The following ACMSD variants were observed in gnomAD, a reference collection of about 807,000 sequenced individuals.
The protein encoded by ACMSD is aminocarboxymuconate semialdehyde decarboxylase.
A neutral mutation model predicts 45.9 loss-of-function variants in ACMSD; 37 were observed. That is an observed-to-expected ratio of 0.81 (90% confidence interval 0.62 to 1.06). The LOEUF (loss-of-function observed/expected upper bound fraction) is 1.06, where lower values mean the gene tolerates loss of function less well. ACMSD is among the 50% of genes least tolerant of loss of function. ACMSD has a pLI of 0.00. For synonymous variants in ACMSD, 138 were observed against 148.8 expected (o/e 0.93, Z 0.53); for missense variants, 434 against 420.9 (o/e 1.03, Z -0.27).
chr2:134,891,556 GA>G (rs1161508307), intron 8 of ACMSD, among the ~76,000 whole-genome samples: 2 of 152,084 alleles, frequency 1.3e-5, no homozygotes, highest in Non-Finnish European at 2.9e-5. Flanking sequence ...ATGCCAATCT[GA>G]ATGGCTATTA....
At chr2:134,891,625 G>C (rs368017328) in intron 8 of ACMSD, among the ~76,000 whole-genome samples, 147 of 152,232 alleles carry the variant, frequency 9.7e-4, no homozygotes, top group African/African-American at 3.4e-3. Flanking sequence ...CTTATACACT[G>C]TTGGTGGGAA....
intron 2 of ACMSD, among the ~76,000 whole-genome samples, chr2:134,852,812 G>A (rs1431225616): frequency 6.6e-6 from 1 of 152,124 alleles, no homozygotes; most frequent in African/African-American, 2.4e-5. Flanking sequence ...GATTGCTCGA[G>A]TGGGCACTAG....
intron 2 of ACMSD, among the ~76,000 whole-genome samples, chr2:134,849,049 G>A (rs1270635779): frequency 6.6e-6 from 1 of 152,080 alleles, no homozygotes; most frequent in Non-Finnish European, 1.5e-5. Flanking sequence ...GATATAAATG[G>A]AGCTGACGGC....
At position 134,898,370 on chromosome 2, in the gene ACMSD, C is replaced by T. The variant is rs774305058; in HGVS notation, c.879C>T (p.Pro293=). ...AAGTCATTTTGGGAACCGATTACCC[C>T]TTTCCACTAGGTGAGCTGGAACCTG... ...KDKVILGTDY[P]FPLGELEPGK... is the part of the protein sequence containing the mutation. Residue 293 remains proline (P), a synonymous_variant, in exon 9 of 10, where the codon CCC becomes CCT. Coordinates refer to ENST00000356140, the MANE Select transcript of ACMSD (RefSeq NM_138326.3). The T allele has an allele frequency of 6.3e-7, 1 of 1,598,530 alleles. No homozygotes were observed.
chr2:134,853,581 C>T (rs751094301), intron 2 of ACMSD, among the ~76,000 whole-genome samples: 1 of 152,116 alleles, frequency 6.6e-6, no homozygotes, highest in Non-Finnish European at 1.5e-5. Context: ...CCCAAGAAAT[C>T]CCTGTTTCCT....
intron 2 of ACMSD, among the ~76,000 whole-genome samples, chr2:134,853,557 G>GT (rs1271293113): frequency 6.6e-6 from 1 of 152,156 alleles, no homozygotes; most frequent in Non-Finnish European, 1.5e-5. Flanking sequence ...TGAGGTCAGT[G>GT]TTAAAAACCA....
At chr2:134,855,488 A>C (rs1687539801) in intron 2 of ACMSD, among the ~76,000 whole-genome samples, 1 of 152,208 alleles carries the variant, frequency 6.6e-6, no homozygotes, top group African/African-American at 2.4e-5. Flanking sequence ...GGGCAGGGAG[A>C]GCAAGTATTT....
At chr2:134,886,246 A>ATTTTTTTTTTTTTTTTTTTTTTTTTT (rs756206850) in intron 8 of ACMSD, among the ~76,000 whole-genome samples, 1 of 115,476 alleles carries the variant, frequency 8.7e-6, no homozygotes, top group African/African-American at 3.6e-5. Context: ...TATTATTATT[A>ATTTTTTTTTTTTTTTTTTTTTTTTTT]TTTTTTTTTT....
chr2:134,863,497 C>G lies in ACMSD; in HGVS notation c.352C>G (p.Pro118Ala). Residue 118 changes from proline to alanine, a missense_variant, in exon 5 of 10, where the codon CCC (proline) becomes GCC (alanine). Pro to Ala is a conservative substitution (Grantham distance 27). Transcript: ENST00000356140. Reference sequence around the variant, plus strand: ...GAGGTTCGTGGGTCTGGGGACGTTGCCCATGCAGGCCCCTGAGCTGGCGGT... The same window carrying G: ...GAGGTTCGTGGGTCTGGGGACGTTGGCCATGCAGGCCCCTGAGCTGGCGGT... ...PRRFVGLGTLPMQAPELAVKE... is the reference protein window; with the variant it reads ...PRRFVGLGTLAMQAPELAVKE... 6.2e-7 allele frequency: 1 copy of G among 1,614,240 alleles called. No homozygotes were observed.
intron 6 of ACMSD, 85 bp from the exon 7 acceptor site, chr2:134,870,880 C>A: frequency 3.3e-6 from 4 of 1,194,354 alleles, no homozygotes; most frequent in Admixed American, 1.9e-5. Context: ...TTTCTTTGCA[C>A]TGACAATTCC....
chr2:134,853,727 G>C (rs1016860955), intron 2 of ACMSD, among the ~76,000 whole-genome samples: 1 of 152,056 alleles, frequency 6.6e-6, no homozygotes, highest in Admixed American at 6.5e-5. Flanking sequence ...ATGAGAACTG[G>C]GGGCTTATTA....
chr2:134,838,972 A>C (rs972724788), intron 1 of ACMSD, among the ~76,000 whole-genome samples: 3 of 152,114 alleles, frequency 2.0e-5, no homozygotes, highest in Non-Finnish European at 4.4e-5. Context: ...TTTTCCCTCA[A>C]ATGAACCATT....
intron 9 of ACMSD, among the ~76,000 whole-genome samples, chr2:134,900,354 T>C (rs140193953): frequency 1.2e-3 from 181 of 152,250 alleles, no homozygotes; most frequent in Non-Finnish European, 1.9e-3. Flanking sequence ...CTGTATCCAC[T>C]CCCTCCCCAT....
chr2:134,882,418 G>A (rs1689090403), intron 8 of ACMSD, among the ~76,000 whole-genome samples: 1 of 152,168 alleles, frequency 6.6e-6, no homozygotes, highest in South Asian at 2.1e-4. Flanking sequence ...AAATGGGGAT[G>A]ATAACCAGGC....
intron 8 of ACMSD, chr2:134,873,561 C>T (rs1486875300): frequency 1.3e-5 from 2 of 152,118 alleles, no homozygotes; most frequent in African/African-American, 4.8e-5. Flanking sequence ...AAAATCATGT[C>T]GAGCAAAAAG....
intron 1 of ACMSD, chr2:134,844,424 C>G (rs989315203): frequency 1.3e-5 from 2 of 152,086 alleles, no homozygotes; most frequent in African/African-American, 2.4e-5. Flanking sequence ...CAGGAAACAC[C>G]AGTAGAGTGA....
At chr2:134,866,439 G>A (rs567909122) in intron 5 of ACMSD, among the ~76,000 whole-genome samples, 12 of 152,032 alleles carry the variant, frequency 7.9e-5, no homozygotes, top group South Asian at 6.3e-4. Context: ...CTTTCCAACA[G>A]GCACCTATTA....
At chr2:134,883,981 C>T (rs1689186040) in intron 8 of ACMSD, among the ~76,000 whole-genome samples, 1 of 152,148 alleles carries the variant, frequency 6.6e-6, no homozygotes, top group South Asian at 2.1e-4. Context: ...AATTTCATTT[C>T]CAATTTTGTA....
chr2:134,885,334 TATATATTTATATATA>T (rs1338172929), intron 8 of ACMSD, among the ~76,000 whole-genome samples: 1 of 107,362 alleles, frequency 9.3e-6, no homozygotes, highest in East Asian at 2.6e-4. Context: ...TATATGTAAA[TATATATTTATATATA>T]ATATATATTT....
Sources: gnomAD v4.1 joint callset for allele counts (sites outside exome capture counted in the v4.1 genomes callset) on GRCh38, gnomAD v4.1.1 for gene constraint, MANE v1.5 for transcripts, NCBI Gene and HGNC (gene_info 2026-07-23, HGNC 2026-07-21) for gene names.